Variants in BTG4 observed in about 807,000 individuals in gnomAD.
BTG4 encodes BTG anti-proliferation factor 4.
A neutral mutation model predicts 19.3 loss-of-function variants in BTG4; 10 were observed. The observed-to-expected ratio is 0.52, with a 90% confidence interval of 0.32 to 0.88. The LOEUF (loss-of-function observed/expected upper bound fraction) is 0.88. Ranked by LOEUF, BTG4 falls within the 40% of genes least tolerant of loss-of-function variation. BTG4 has a pLI of 0.04. For synonymous variants in BTG4, 91 were observed against 95.7 expected (o/e 0.95, Z 0.29); for missense variants, 238 against 281.9 (o/e 0.84, Z 1.11).
At chr11:111,503,771 C>T (rs746474095) in intron 1 of BTG4, among the ~76,000 whole-genome samples, 1 of 152,048 alleles carries the variant, frequency 6.6e-6, no homozygotes, top group Non-Finnish European at 1.5e-5. Context: ...TGACCTTGTA[C>T]AAGTAATAGT....
chr11:111,408,802 G>A, the BTG4 span, among the ~76,000 whole-genome samples: 3 of 152,216 alleles, frequency 2.0e-5, no homozygotes, highest in Admixed American at 1.3e-4. Flanking sequence ...CTGTGTGCCA[G>A]GCACCAGGTA....
At chr11:111,456,636 C>T in the BTG4 span, 2,947 of 432,360 alleles carry the variant, frequency 6.8e-3, 59 homozygotes, top group African/African-American at 0.051. The surrounding 1 kb of genome is among the most constrained non-coding windows in gnomAD (Gnocchi z 4.2). Flanking sequence ...TACCCCCTGG[C>T]TACTTCATCC....
chr11:111,497,935 G>A, intron 3 of BTG4, 63 bp downstream of exon 3: 4 of 1,558,674 alleles, frequency 2.6e-6, no homozygotes, highest in Non-Finnish European at 3.5e-6. Flanking sequence ...ATGAAGGTAT[G>A]TAAAGTTGTC....
the BTG4 span, among the ~76,000 whole-genome samples, chr11:111,420,104 T>C: frequency 2.6e-5 from 4 of 152,212 alleles, no homozygotes; most frequent in African/African-American, 9.7e-5. Flanking sequence ...GCCATTAAGC[T>C]GTAGTCCAGT....
the BTG4 span, among the ~76,000 whole-genome samples, chr11:111,430,310 A>G: frequency 6.6e-6 from 1 of 152,242 alleles, no homozygotes; most frequent in Non-Finnish European, 1.5e-5. Flanking sequence ...GGAGCCTACC[A>G]GGTTAGAAGT....
chr11:111,436,399 G>C, the BTG4 span, among the ~76,000 whole-genome samples: 1 of 152,174 alleles, frequency 6.6e-6, no homozygotes, highest in Non-Finnish European at 1.5e-5. Context: ...GCTGAGATGG[G>C]TGGATCACCT....
At chr11:111,480,543 A>C (rs1272757220) in intron 5 of BTG4, among the ~76,000 whole-genome samples, 1 of 152,036 alleles carries the variant, frequency 6.6e-6, no homozygotes, top group Non-Finnish European at 1.5e-5. Context: ...ATGCATCAAA[A>C]ATCATATCCT....
chr11:111,426,748 T>C, the BTG4 span, among the ~76,000 whole-genome samples: 1 of 152,108 alleles, frequency 6.6e-6, no homozygotes, highest in African/African-American at 2.4e-5. Context: ...TACACTCCCC[T>C]TACCACGCCC....
At chr11:111,414,388 G>C in the BTG4 span, 2 of 152,240 alleles carry the variant, frequency 1.3e-5, no homozygotes, top group South Asian at 4.2e-4. Context: ...ACATGGGTTG[G>C]CCTGATGGTC....
chr11:111,506,482 G>A (rs1211338129), intron 1 of BTG4, among the ~76,000 whole-genome samples: 1 of 152,010 alleles, frequency 6.6e-6, no homozygotes, highest in Non-Finnish European at 1.5e-5. Context: ...GACTCCAAAG[G>A]TGGGTGGGGA....
At chr11:111,504,992 A>T (rs1307762495) in intron 1 of BTG4, among the ~76,000 whole-genome samples, 1 of 152,076 alleles carries the variant, frequency 6.6e-6, no homozygotes, top group East Asian at 1.9e-4. Context: ...ATGGAAAAAC[A>T]TTCCATGCTA....
chr11:111,465,232 G>A (rs1863652104), downstream of BTG4, among the ~76,000 whole-genome samples: 1 of 152,090 alleles, frequency 6.6e-6, no homozygotes, highest in Admixed American at 6.6e-5. Flanking sequence ...CCTTTCAGTA[G>A]ACCACAGTGC....
chr11:111,512,980 G>T (rs1591550039), upstream of BTG4: 1 of 471,540 alleles, frequency 2.1e-6, no homozygotes, highest in East Asian at 6.9e-5. Flanking sequence ...TTGTACTGTG[G>T]TGGTTACAAT....
At chr11:111,499,970 C>A (rs4351847) in intron 1 of BTG4, among the ~76,000 whole-genome samples, 49,559 of 151,494 alleles carry the variant, frequency 0.33, 8,241 homozygotes, top group Middle Eastern at 0.38. Flanking sequence ...GGTGAAACCC[C>A]GTCTCTACTA....
chr11:111,484,837 T>C (rs1329503800), intron 5 of BTG4, among the ~76,000 whole-genome samples: 1 of 152,142 alleles, frequency 6.6e-6, no homozygotes, highest in Non-Finnish European at 1.5e-5. Context: ...AGACATACAG[T>C]GGCTGAATGG....
At chr11:111,439,740 G>A in the BTG4 span, among the ~76,000 whole-genome samples, 2 of 152,040 alleles carry the variant, frequency 1.3e-5, no homozygotes, top group Admixed American at 1.3e-4. Context: ...ACCTATAGGA[G>A]TCATAGAGCC....
chr11:111,498,906 T>A, intron 1 of BTG4, 104 bp from the exon 2 acceptor site: 2 of 737,942 alleles, frequency 2.7e-6, no homozygotes, highest in Non-Finnish European at 4.2e-6. Flanking sequence ...AAGTTAAAAC[T>A]GAGAAAATCT....
the BTG4 span, among the ~76,000 whole-genome samples, chr11:111,395,648 T>C: frequency 6.6e-6 from 1 of 152,172 alleles, no homozygotes; most frequent in Non-Finnish European, 1.5e-5. Flanking sequence ...TATTAAGCAG[T>C]TCTCCAAAAT....
chr11:111,424,366 A>G, the BTG4 span, among the ~76,000 whole-genome samples: 6 of 152,240 alleles, frequency 3.9e-5, no homozygotes, highest in African/African-American at 1.4e-4. Context: ...CAAGAGGAAC[A>G]CCATGGGGTG....
Sources: gnomAD v4.1 joint callset for allele counts (sites outside exome capture counted in the v4.1 genomes callset) on GRCh38, gnomAD v4.1.1 for gene constraint, Gnocchi (gnomAD v3.1) non-coding constraint, MANE v1.5 for transcripts, NCBI Gene and HGNC (gene_info 2026-07-23, HGNC 2026-07-21) for gene names.